ELOVL5: variants seen among roughly 807,000 people sequenced by gnomAD.
The protein encoded by ELOVL5 is ELOVL fatty acid elongase 5.
ELOVL5 carries 8 observed loss-of-function variants against 38.6 expected under a neutral mutation model. The observed-to-expected ratio is 0.21, with a 90% CI of 0.12 to 0.37. The LOEUF (loss-of-function observed/expected upper bound fraction) is 0.37. ELOVL5 is among the 10% of genes least tolerant of loss of function. The pLI, the probability that ELOVL5 is intolerant of heterozygous loss-of-function variation, is 1.00. For missense variants in ELOVL5, 280 were observed against 367.8 expected (o/e 0.76, Z 1.95); for synonymous variants, 127 against 133.7 (o/e 0.95, Z 0.34).
chr6:53,348,104 GC>G (rs1304184663), intron 1 of ELOVL5, among the ~76,000 whole-genome samples: 2 of 151,104 alleles, frequency 1.3e-5, no homozygotes, highest in African/African-American at 4.9e-5. Context: ...CGCCCCGGTC[GC>G]CCCCGAGTCC....
At chr6:53,307,554 T>C (rs1767633306) in intron 1 of ELOVL5, among the ~76,000 whole-genome samples, 1 of 152,244 alleles carries the variant, frequency 6.6e-6, no homozygotes. Context: ...TGGAAGAGTT[T>C]TGCTAAGGCA....
chr6:53,342,499 A>C (rs1015554887), intron 1 of ELOVL5, among the ~76,000 whole-genome samples: 3 of 152,206 alleles, frequency 2.0e-5, no homozygotes, highest in Non-Finnish European at 4.4e-5. Context: ...TGGGCTTATA[A>C]GAGATTAATT....
In ELOVL5 at chr6:53,348,837, AGCAGCTTTGAGCAGCAGCAAGGCGGCG is replaced by A; in HGVS notation, c.-56_-30del. On this transcript the variant is annotated 5_prime_UTR_variant, in exon 1 of 8. Transcript: ENST00000304434. ...TTTACCTTTTAGCCCAAGGGGCGGC[AGCAGCTTTGAGCAGCAGCAAGGCGGCG>A]GCGGCGGAGGGAGCGCGGGTGGCAG... 1 of 458,066 alleles carries A rather than the reference AGCAGCTTTGAGCAGCAGCAAGGCGGCG, an allele frequency of 2.2e-6. No individual in the cohort carries two copies. The highest frequency in any genetic ancestry group is 7.0e-5 in the East Asian group (1 of 14,334). 28.4% of individuals were successfully genotyped at this position (458,066 alleles called of 1,614,324 possible). A position where few individuals can be genotyped will look rare whatever the true frequency, so the allele number is the denominator to read the frequency against.
intron 1 of ELOVL5, among the ~76,000 whole-genome samples, chr6:53,346,697 CAA>C (rs1386953861): frequency 1.3e-5 from 2 of 152,068 alleles, no homozygotes; most frequent in African/African-American, 2.4e-5. Context: ...ACCTAGGCAC[CAA>C]AGTTACCCTC....
intron 1 of ELOVL5, among the ~76,000 whole-genome samples, chr6:53,338,030 C>T (rs1005517756): frequency 4.6e-5 from 7 of 152,054 alleles, no homozygotes; most frequent in Admixed American, 3.9e-4. Flanking sequence ...GGGCACCCAA[C>T]GATGAAAAGT....
At chr6:53,305,044 C>T (rs1372228684) in intron 1 of ELOVL5, among the ~76,000 whole-genome samples, 3 of 148,268 alleles carry the variant, frequency 2.0e-5, no homozygotes, top group East Asian at 2.0e-4. Context: ...GGCGGCTGGC[C>T]GGGCGGGGGG....
chr6:53,321,758 C>T (rs985844866), intron 1 of ELOVL5, among the ~76,000 whole-genome samples: 2 of 152,118 alleles, frequency 1.3e-5, no homozygotes, highest in Non-Finnish European at 2.9e-5. Context: ...TACCGAAATT[C>T]CAACAGCTGA....
At chr6:53,295,814 G>A (rs1427512258) in intron 1 of ELOVL5, 107 bp from the exon 2 acceptor site, 15 of 683,278 alleles carry the variant, frequency 2.2e-5, no homozygotes, top group African/African-American at 7.6e-5. Flanking sequence ...CTACAGACAA[G>A]GTTAAGTTCA....
intron 1 of ELOVL5, among the ~76,000 whole-genome samples, chr6:53,321,860 T>C (rs1328734090): frequency 6.6e-6 from 1 of 152,224 alleles, no homozygotes; most frequent in Admixed American, 6.5e-5. Flanking sequence ...GCAAATGCTG[T>C]GTGTGCTCTG....
chr6:53,306,230 AGGGG>A (rs1767543247), intron 1 of ELOVL5, among the ~76,000 whole-genome samples: 1 of 19,308 alleles, frequency 5.2e-5, no homozygotes, highest in Non-Finnish European at 8.2e-5. Flanking sequence ...GAGAGGGGAG[AGGGG>A]AGAGGGAGAG....
chr6:53,313,875 C>T (rs1767935372), intron 1 of ELOVL5, among the ~76,000 whole-genome samples: 2 of 152,314 alleles, frequency 1.3e-5, no homozygotes, highest in South Asian at 2.1e-4. Context: ...GATGCCACCA[C>T]GCTTGTGCTC....
At chr6:53,339,438 A>G (rs1769224635) in intron 1 of ELOVL5, among the ~76,000 whole-genome samples, 1 of 152,246 alleles carries the variant, frequency 6.6e-6, no homozygotes, top group African/African-American at 2.4e-5. Flanking sequence ...CCTGAACACC[A>G]TGGCCCAGCA....
intron 3 of ELOVL5, among the ~76,000 whole-genome samples, chr6:53,283,926 C>A (rs9463897): frequency 0.021 from 3,181 of 150,440 alleles, 126 homozygotes; most frequent in African/African-American, 0.074. Flanking sequence ...AAAATTGAAT[C>A]AAAAAGGAAA....
At chr6:53,322,941 A>C (rs1202428502) in intron 1 of ELOVL5, among the ~76,000 whole-genome samples, 1 of 152,228 alleles carries the variant, frequency 6.6e-6, no homozygotes, top group Non-Finnish European at 1.5e-5. Flanking sequence ...CATTAAAAAC[A>C]GAAAACACAC....
intron 2 of ELOVL5, chr6:53,294,195 G>T: frequency 6.8e-7 from 1 of 1,466,930 alleles, no homozygotes; most frequent in Non-Finnish European, 9.1e-7. Context: ...AGTGCTTCCC[G>T]GGCACCTGAC....
intron 3 of ELOVL5, chr6:53,277,148 G>A (rs1581922563): frequency 6.5e-6 from 1 of 153,632 alleles, no homozygotes; most frequent in East Asian, 2.0e-4. Flanking sequence ...TTCCCCCCCA[G>A]GGAACAAGAG....
At chr6:53,313,410 G>C (rs1287080650) in intron 1 of ELOVL5, among the ~76,000 whole-genome samples, 1 of 152,136 alleles carries the variant, frequency 6.6e-6, no homozygotes, top group African/African-American at 2.4e-5. Context: ...TCCCAGGCTA[G>C]AGTGCAGTGG....
intron 1 of ELOVL5, among the ~76,000 whole-genome samples, chr6:53,296,023 A>C (rs1310619683): frequency 2.6e-5 from 4 of 152,280 alleles, no homozygotes; most frequent in Admixed American, 6.5e-5. Context: ...AACTAACTGG[A>C]ATGAGAGGTG....
intron 3 of ELOVL5, chr6:53,290,225 A>G (rs1766723858): frequency 6.6e-6 from 1 of 152,260 alleles, no homozygotes; most frequent in African/African-American, 2.4e-5. Context: ...AATTATAGCT[A>G]TATTTCTAGG....
Sources: gnomAD v4.1 joint callset for allele counts (sites outside exome capture counted in the v4.1 genomes callset) on GRCh38, gnomAD v4.1.1 for gene constraint, MANE v1.5 for transcripts, NCBI Gene and HGNC (gene_info 2026-07-23, HGNC 2026-07-21) for gene names.